The following SEC11A variants were observed in gnomAD, a reference collection of about 807,000 sequenced individuals.
The protein encoded by SEC11A is signal peptidase complex catalytic subunit SEC11A.
In SEC11A, 14 loss-of-function variants were observed where a neutral mutation model predicts 25.6. That is an observed-to-expected ratio of 0.55 (90% confidence interval 0.36 to 0.85). The LOEUF (loss-of-function observed/expected upper bound fraction) is 0.85, where lower values mean the gene tolerates loss of function less well. Ranked by LOEUF, SEC11A falls within the 40% of genes least tolerant of loss-of-function variation. The pLI is 0.01. For missense variants in SEC11A, 153 were observed against 222.9 expected (o/e 0.69, Z 2.00); for synonymous variants, 83 against 76.4 (o/e 1.09, Z -0.45).
chr15:84,705,009 C>T (rs1267236189), intron 1 of SEC11A, among the ~76,000 whole-genome samples: 1 of 151,676 alleles, frequency 6.6e-6, no homozygotes, highest in African/African-American at 2.4e-5. Context: ...ACTGCAGGCT[C>T]AAACTTCTGG....
At chr15:84,709,729 C>T (rs1199089890) in intron 1 of SEC11A, among the ~76,000 whole-genome samples, 1 of 151,866 alleles carries the variant, frequency 6.6e-6, no homozygotes, top group East Asian at 1.9e-4. Context: ...AAGCGTGAGC[C>T]ACTGCACCTG....
At chr15:84,700,321 C>T (rs909552456) in intron 1 of SEC11A, among the ~76,000 whole-genome samples, 3 of 151,534 alleles carry the variant, frequency 2.0e-5, no homozygotes, top group East Asian at 1.9e-4. Context: ...ATTTGCTGGG[C>T]GAGGTGGCTT....
chr15:84,692,144 C>T (rs149628116), intron 1 of SEC11A: 2,167 of 152,028 alleles, frequency 0.014, 22 homozygotes, highest in Non-Finnish European at 0.022. Flanking sequence ...ATTCTCCTGC[C>T]TCAGCCTCCC....
chr15:84,691,349 C>T (rs1288362645), intron 2 of SEC11A, among the ~76,000 whole-genome samples, 186 bp downstream of exon 2: 1 of 152,176 alleles, frequency 6.6e-6, no homozygotes, highest in Non-Finnish European at 1.5e-5. Flanking sequence ...GGTGGGATTA[C>T]AGGCATAAGC....
At chr15:84,679,196 T>G in intron 4 of SEC11A, 1 of 905,962 alleles carries the variant, frequency 1.1e-6, no homozygotes, top group Non-Finnish European at 1.5e-6. Flanking sequence ...AAACAAAGAC[T>G]CAAAGAGATT....
chr15:84,693,619 C>T (rs1010559006), intron 1 of SEC11A, among the ~76,000 whole-genome samples: 3 of 151,884 alleles, frequency 2.0e-5, no homozygotes, highest in African/African-American at 7.3e-5. Flanking sequence ...CATCATCACG[C>T]CCGGCCAATT....
At chr15:84,713,850 A>G (rs769541404) in intron 1 of SEC11A, among the ~76,000 whole-genome samples, 2 of 152,144 alleles carry the variant, frequency 1.3e-5, no homozygotes, top group African/African-American at 4.8e-5. Flanking sequence ...AAGGTCTTTC[A>G]AGATCCAACT....
At chr15:84,714,777 G>C (rs913328559) in intron 1 of SEC11A, 1 of 152,152 alleles carries the variant, frequency 6.6e-6, no homozygotes, top group African/African-American at 2.4e-5. Context: ...GCTCAAAAAA[G>C]TTATTGTTTT....
chr15:84,681,107 T>C (rs971834960), intron 3 of SEC11A, among the ~76,000 whole-genome samples: 1 of 152,104 alleles, frequency 6.6e-6, no homozygotes, highest in African/African-American at 2.4e-5. Flanking sequence ...CAAATTTTAT[T>C]AAGTGAAGAA....
rs1676443388 is a variant in SEC11A, at chr15:84,687,751, T to C, written c.185A>G (p.His62Arg). The change falls in exon 3 of 6, where the codon CAT (histidine) becomes CGT (arginine). Residue 62 changes from histidine to arginine, a missense_variant. His to Arg is a conservative substitution (Grantham distance 29, BLOSUM62 0). Transcript: ENST00000268220. ...VLSGSMEPAF[H>R]RGDLLFLTNR... ...TGTTAGAAAGAGAAGATCTCCTCTA[T>C]GAAATGCAGGTTCCATGCTGCCACT... 1.3e-6 allele frequency: 2 copies of C among 1,599,490 alleles called. No homozygotes were observed. The highest frequency in any genetic ancestry group is 3.6e-5 in the Admixed American group (2 of 54,900).
chr15:84,693,614 T>A (rs1897673686), intron 1 of SEC11A, among the ~76,000 whole-genome samples: 1 of 151,828 alleles, frequency 6.6e-6, no homozygotes, highest in African/African-American at 2.4e-5. Flanking sequence ...GCATGCATCA[T>A]CACGCCCGGC....
intron 1 of SEC11A, among the ~76,000 whole-genome samples, chr15:84,710,602 C>T (rs1898231757): frequency 6.6e-6 from 1 of 152,186 alleles, no homozygotes; most frequent in South Asian, 2.1e-4. Context: ...GGTGCCACCA[C>T]ACTCCAGCCT....
chr15:84,707,858 C>A (rs1168270021), intron 1 of SEC11A, among the ~76,000 whole-genome samples: 1 of 152,148 alleles, frequency 6.6e-6, no homozygotes, highest in African/African-American at 2.4e-5. Context: ...TACTATGGTA[C>A]TATATTCTGG....
intron 1 of SEC11A, among the ~76,000 whole-genome samples, chr15:84,693,234 A>G (rs1359734837): frequency 6.6e-6 from 1 of 152,194 alleles, no homozygotes; most frequent in Non-Finnish European, 1.5e-5. Context: ...TCTAGATTAA[A>G]AAGTACTAAA....
chr15:84,692,024 C>CTTTTTTTTTTTTTTTTTTTTTT (rs59177902), intron 1 of SEC11A: 1 of 127,338 alleles, frequency 7.9e-6, no homozygotes. Flanking sequence ...TTTTCTTTTT[C>CTTTTTTTTTTTTTTTTTTTTTT]TTTTTTTTTT....
chr15:84,696,106 T>C (rs1897760613), intron 1 of SEC11A, among the ~76,000 whole-genome samples: 1 of 152,200 alleles, frequency 6.6e-6, no homozygotes, highest in South Asian at 2.1e-4. Context: ...ATATTTGCTG[T>C]TCTTTCAGTA....
At chr15:84,714,084 C>T (rs1304352523) in intron 1 of SEC11A, among the ~76,000 whole-genome samples, 1 of 141,266 alleles carries the variant, frequency 7.1e-6, no homozygotes, top group Non-Finnish European at 1.5e-5. Flanking sequence ...TGCGGTGGCA[C>T]GATCTCAGCT....
At chr15:84,711,129 T>C (rs1045866742) in intron 1 of SEC11A, among the ~76,000 whole-genome samples, 5 of 148,584 alleles carry the variant, frequency 3.4e-5, no homozygotes, top group African/African-American at 1.2e-4. Flanking sequence ...CTATATTCAA[T>C]CCCAGCTCTT....
intron 4 of SEC11A, chr15:84,672,997 C>G (rs1897034680): frequency 8.9e-6 from 2 of 225,112 alleles, no homozygotes; most frequent in Non-Finnish European, 1.8e-5. Context: ...GCAACCGCCC[C>G]CTCTGAGAAG....
Sources: allele counts gnomAD v4.1 joint callset (sites outside exome capture counted in the v4.1 genomes callset), GRCh38; gene constraint gnomAD v4.1.1; transcripts MANE v1.5; gene names NCBI Gene and HGNC (gene_info 2026-07-23, HGNC 2026-07-21).